The following USP34 variants were observed in gnomAD, a reference collection of about 807,000 sequenced individuals.
The protein encoded by USP34 is ubiquitin carboxyl-terminal hydrolase 34.
A neutral mutation model predicts 460.3 loss-of-function variants in USP34; 70 were observed. The observed-to-expected ratio is 0.15, with a 90% confidence interval of 0.13 to 0.19. The LOEUF is 0.19. Ranked by LOEUF, USP34 falls within the 10% of genes least tolerant of loss-of-function variation. USP34 has a pLI of 1.00. For synonymous variants in USP34, 1,647 were observed against 1,405.3 expected (o/e 1.17, Z -3.85); for missense variants, 3,985 against 4,236.2 (o/e 0.94, Z 1.65).
At chr2:61,383,638 G>C (rs899192007) in intron 5 of USP34, among the ~76,000 whole-genome samples, 3 of 152,224 alleles carry the variant, frequency 2.0e-5, no homozygotes, top group East Asian at 1.9e-4. Flanking sequence ...CCACCCCCGG[G>C]GGGGGCGGGG....
intron 10 of USP34, among the ~76,000 whole-genome samples, chr2:61,362,284 T>G (rs1324681091): frequency 6.6e-6 from 1 of 152,140 alleles, no homozygotes; most frequent in South Asian, 2.1e-4. Flanking sequence ...TATCTTATGT[T>G]ATGATCCACA....
rs201781112 is a variant in USP34 at position 61,242,022 on chromosome 2, ATTTTT to A, written c.6628-208_6628-204del. Reference sequence around the variant, plus strand: ...TAATATCTTTTTTTTAGTTTTTATTATTTTTATTATTTTTAGATAGAGAACACTAT... The same window carrying A: ...TAATATCTTTTTTTTAGTTTTTATTAATTATTTTTAGATAGAGAACACTAT... On this transcript the variant is annotated intron_variant, in intron 51 of 79. Coordinates refer to ENST00000398571, the MANE Select transcript of USP34 (RefSeq NM_014709.4). 6.4e-3 allele frequency among the ~76,000 whole-genome samples: 978 copies of A among 152,002 alleles called. 10 individuals are homozygous for A. The highest frequency in any genetic ancestry group is 0.022 in the African/African-American group (929 of 41,482).
intron 1 of USP34, among the ~76,000 whole-genome samples, chr2:61,447,555 C>T (rs1306882551): frequency 6.6e-6 from 1 of 152,090 alleles, no homozygotes; most frequent in Non-Finnish European, 1.5e-5. Context: ...AAGCAGCTAG[C>T]TCAGCTCACA....
chr2:61,292,197 CA>C (rs1289210722), intron 33 of USP34, among the ~76,000 whole-genome samples: 4 of 149,182 alleles, frequency 2.7e-5, no homozygotes, highest in Middle Eastern at 3.4e-3. Context: ...AACTATATTT[CA>C]AAAAAAGTTT....
At position 61,343,886 on chromosome 2, in the gene USP34, G is replaced by C. The variant is rs373411362; in HGVS notation, c.2429C>G (p.Ala810Gly). 1.2e-6 allele frequency: 2 copies of C among 1,613,904 alleles called. No individual in the cohort carries two copies. Among genetic ancestry groups the C allele is most frequent in the East Asian group, 2.2e-5 (1 of 44,832 alleles). ...TTGTTGGAGGTGAGATGTCAGTTCC[G>C]CATGTGAATTAATCTGAACTAGCTC... ...EEELVQINSH[A>G]ELTSHLQQHL... Residue 810 changes from alanine (A) to glycine (G), a missense_variant, in exon 16 of 80, where the codon GCG becomes GGG. Transcript: ENST00000398571.
At chr2:61,244,276 T>C (rs1472891397) in intron 51 of USP34, among the ~76,000 whole-genome samples, 2 of 152,184 alleles carry the variant, frequency 1.3e-5, no homozygotes, top group South Asian at 2.1e-4. Flanking sequence ...AAACTGCCTA[T>C]AGAGAAGTGA....
chr2:61,391,735 A>G (rs1007788415), intron 5 of USP34, among the ~76,000 whole-genome samples: 20 of 152,330 alleles, frequency 1.3e-4, no homozygotes, highest in Middle Eastern at 3.4e-3. Flanking sequence ...TTACTATGAA[A>G]TAAATAAAGC....
At chr2:61,226,065 A>G (rs1168983028) in intron 62 of USP34, among the ~76,000 whole-genome samples, 2 of 152,190 alleles carry the variant, frequency 1.3e-5, no homozygotes, top group African/African-American at 4.8e-5. Flanking sequence ...TCCTGGCCTC[A>G]AGCCATCCAC....
intron 57 of USP34, among the ~76,000 whole-genome samples, chr2:61,235,527 C>T (rs749387803): frequency 9.9e-5 from 15 of 151,892 alleles, no homozygotes; most frequent in East Asian, 3.9e-4. Flanking sequence ...TGTTTCACCA[C>T]GTTGGCCAGG....
At chr2:61,446,512 T>G (rs1362373042) in intron 1 of USP34, among the ~76,000 whole-genome samples, 1 of 152,200 alleles carries the variant, frequency 6.6e-6, no homozygotes, top group South Asian at 2.1e-4. Flanking sequence ...TCCAGTGATG[T>G]AGGCTGGGCG....
At chr2:61,394,552 A>T (rs1041249341) in intron 5 of USP34, among the ~76,000 whole-genome samples, 2 of 151,506 alleles carry the variant, frequency 1.3e-5, no homozygotes, top group African/African-American at 2.4e-5. Flanking sequence ...AAAAAAAAAA[A>T]AAAAAATAAG....
chr2:61,196,848 T>C (rs886700949), intron 75 of USP34, among the ~76,000 whole-genome samples: 1 of 152,130 alleles, frequency 6.6e-6, no homozygotes, highest in Non-Finnish European at 1.5e-5. Flanking sequence ...TAAAGCAATC[T>C]CTATATCTAT....
In USP34 at chr2:61,395,711, G is replaced by A. The variant is rs891312519; in HGVS notation, c.553-478C>T. ...TGAGGCAGGAGAATGGCGTGAACCC[G>A]GAAGGCGGAGCTTGCAGTGAGCGGA... is the stretch of plus-strand genomic sequence containing the variant. On this transcript the variant is annotated intron_variant, in intron 3 of 79. Coordinates refer to ENST00000398571, the MANE Select transcript of USP34 (RefSeq NM_014709.4). Among the ~76,000 whole-genome samples, 11 of 147,668 alleles carry A rather than the reference G, an allele frequency of 7.4e-5. 1 individual carries two copies. Among genetic ancestry groups the A allele is most frequent in the Middle Eastern group, 3.4e-3 (1 of 292 alleles).
At chr2:61,229,053 G>A (rs1687809829) in intron 59 of USP34, 58 bp from the exon 60 acceptor site, 1 of 1,319,760 alleles carries the variant, frequency 7.6e-7, no homozygotes, top group East Asian at 2.4e-5. Flanking sequence ...TACTGTTCGA[G>A]AGAAAAAGTA....
At chr2:61,466,210 A>C (rs901007673) in intron 1 of USP34, among the ~76,000 whole-genome samples, 5 of 152,104 alleles carry the variant, frequency 3.3e-5, no homozygotes, top group African/African-American at 1.2e-4. Context: ...AGATCACTTG[A>C]GTTCAAGAGT....
At chr2:61,444,681 G>A (rs1695058088) in intron 1 of USP34, among the ~76,000 whole-genome samples, 2 of 152,110 alleles carry the variant, frequency 1.3e-5, no homozygotes, top group African/African-American at 2.4e-5. Context: ...GGGCTAGGGT[G>A]GGAGGGCCAG....
intron 48 of USP34, chr2:61,249,670 C>A (rs1688520821): frequency 6.5e-6 from 1 of 152,944 alleles, no homozygotes; most frequent in Admixed American, 6.5e-5. Flanking sequence ...CGATGCCTGG[C>A]AGCCACCCTC....
intron 27 of USP34, among the ~76,000 whole-genome samples, chr2:61,305,507 G>A (rs749824187): frequency 1.5e-4 from 23 of 151,770 alleles, no homozygotes; most frequent in Non-Finnish European, 3.4e-4. Context: ...AAAACAAAAG[G>A]AAGAAAGAAA....
chr2:61,366,345 T>A (rs1279696929), intron 10 of USP34, among the ~76,000 whole-genome samples: 2 of 152,166 alleles, frequency 1.3e-5, no homozygotes, highest in African/African-American at 2.4e-5. Flanking sequence ...GATTCTGGGC[T>A]CAGAATAAGA....
Sources: allele counts gnomAD v4.1 joint callset (sites outside exome capture counted in the v4.1 genomes callset), GRCh38; gene constraint gnomAD v4.1.1; transcripts MANE v1.5; gene names NCBI Gene and HGNC (gene_info 2026-07-23, HGNC 2026-07-21).